The following HMGA2 variants were observed in gnomAD, a reference collection of about 807,000 sequenced individuals.
The protein encoded by HMGA2 is high mobility group AT-hook 2, also known as high mobility group protein HMGI-C.
In HMGA2, 8 loss-of-function variants were observed where a neutral mutation model predicts 19.1. That is an observed-to-expected ratio of 0.42 (90% CI 0.25 to 0.76). The LOEUF is 0.76. Among genes scored for constraint, HMGA2 ranks in the 30% least tolerant of loss-of-function variants. The pLI, the probability that HMGA2 is intolerant of heterozygous loss-of-function variation, is 0.28. For synonymous variants in HMGA2, 60 were observed against 48.8 expected (o/e 1.23, Z -0.96); for missense variants, 109 against 136.3 (o/e 0.80, Z 1.00).
intron 3 of HMGA2, among the ~76,000 whole-genome samples, chr12:65,889,694 C>G (rs1462534642): frequency 6.6e-6 from 1 of 152,168 alleles, no homozygotes; most frequent in African/African-American, 2.4e-5. Flanking sequence ...CGTATCAGGG[C>G]TGTTGCGAGG....
At chr12:65,847,400 G>A (rs1216251880) in intron 3 of HMGA2, among the ~76,000 whole-genome samples, 2 of 152,096 alleles carry the variant, frequency 1.3e-5, no homozygotes, top group Non-Finnish European at 2.9e-5. Flanking sequence ...TATAATTTAT[G>A]CTTATCAAAT....
At chr12:65,906,539 C>A (rs76591908) in intron 3 of HMGA2, among the ~76,000 whole-genome samples, 6,099 of 152,168 alleles carry the variant, frequency 0.04, 360 homozygotes, top group South Asian at 0.25. Context: ...TATGTTGTTT[C>A]ACTTCCCATA....
At chr12:65,932,189 T>C (rs1419110413) in intron 3 of HMGA2, among the ~76,000 whole-genome samples, 1 of 152,206 alleles carries the variant, frequency 6.6e-6, no homozygotes, top group Admixed American at 6.5e-5. Flanking sequence ...TCATCTAATC[T>C]TGGAATCTCA....
chr12:65,899,375 T>G (rs1157601489), intron 3 of HMGA2, among the ~76,000 whole-genome samples: 2 of 152,232 alleles, frequency 1.3e-5, no homozygotes, highest in African/African-American at 4.8e-5. Flanking sequence ...CTTCCGATCC[T>G]ACTTCTCCCT....
At chr12:65,846,540 C>A (rs943685636) in intron 3 of HMGA2, among the ~76,000 whole-genome samples, 2 of 152,196 alleles carry the variant, frequency 1.3e-5, no homozygotes, top group African/African-American at 4.8e-5. Flanking sequence ...TCAGAAAATG[C>A]ACCTCGAGTG....
intron 3 of HMGA2, among the ~76,000 whole-genome samples, chr12:65,891,895 C>T (rs1450728584): frequency 6.6e-6 from 1 of 152,266 alleles, no homozygotes; most frequent in Non-Finnish European, 1.5e-5. Context: ...GGAGGCTACC[C>T]TCCAAAGGTC....
chr12:65,937,388 G>A (rs968391196), intron 3 of HMGA2, among the ~76,000 whole-genome samples: 1 of 152,102 alleles, frequency 6.6e-6, no homozygotes, highest in African/African-American at 2.4e-5. Flanking sequence ...GGCAGCAGAC[G>A]GCCCCAAGCA....
intron 4 of HMGA2, among the ~76,000 whole-genome samples, chr12:65,959,744 A>G (rs1371729052): frequency 6.6e-6 from 1 of 152,150 alleles, no homozygotes; most frequent in Non-Finnish European, 1.5e-5. Flanking sequence ...TACAGTTTTC[A>G]TCTCCTTATT....
chr12:65,865,330 A>G (rs985490355), intron 3 of HMGA2, among the ~76,000 whole-genome samples: 1 of 152,110 alleles, frequency 6.6e-6, no homozygotes, highest in Non-Finnish European at 1.5e-5. Flanking sequence ...CAACCCCTGC[A>G]TTGTTGAAGG....
At chr12:65,871,582 G>C (rs1185798581) in intron 3 of HMGA2, among the ~76,000 whole-genome samples, 1 of 152,150 alleles carries the variant, frequency 6.6e-6, no homozygotes, top group Non-Finnish European at 1.5e-5. Context: ...AGATTCTCGA[G>C]GCTAAAGAAT....
chr12:65,871,839 T>C (rs774778398), intron 3 of HMGA2, among the ~76,000 whole-genome samples: 1 of 152,254 alleles, frequency 6.6e-6, no homozygotes, highest in Non-Finnish European at 1.5e-5. Context: ...GGCTTGGCAA[T>C]AGCAGAATAA....
At chr12:65,849,526 C>T (rs558536499) in intron 3 of HMGA2, among the ~76,000 whole-genome samples, 26 of 152,024 alleles carry the variant, frequency 1.7e-4, no homozygotes, top group African/African-American at 5.1e-4. Context: ...TAAATAAATC[C>T]CTTATTCCCC....
chr12:65,963,164 G>A, intron 4 of HMGA2, 81 bp from the exon 5 acceptor site: 2 of 1,305,374 alleles, frequency 1.5e-6, no homozygotes, highest in Non-Finnish European at 2.2e-6. Context: ...TGTGGAAACA[G>A]GTTACCTCTG....
chr12:65,936,316 C>T (rs1875893449), intron 3 of HMGA2, among the ~76,000 whole-genome samples: 1 of 151,482 alleles, frequency 6.6e-6, no homozygotes, highest in African/African-American at 2.4e-5. Flanking sequence ...GGAAATCAGT[C>T]TAGATAACAT....
intron 3 of HMGA2, among the ~76,000 whole-genome samples, chr12:65,907,676 AC>A (rs1186777353): frequency 1.3e-5 from 2 of 152,196 alleles, no homozygotes. Context: ...ACACAAGCCA[AC>A]GTTTAGGGAA....
At chr12:65,874,484 G>A (rs1194693319) in intron 3 of HMGA2, among the ~76,000 whole-genome samples, 1 of 152,140 alleles carries the variant, frequency 6.6e-6, no homozygotes, top group Non-Finnish European at 1.5e-5. Context: ...TCCAGCAGGA[G>A]GGAAACCATT....
At chr12:65,942,320 T>C (rs1477414746) in intron 3 of HMGA2, among the ~76,000 whole-genome samples, 1 of 152,190 alleles carries the variant, frequency 6.6e-6, no homozygotes, top group African/African-American at 2.4e-5. Flanking sequence ...CACATGTGCA[T>C]ATGCAAAGTG....
chr12:65,908,566 A>G (rs1874704824), intron 3 of HMGA2, among the ~76,000 whole-genome samples: 1 of 152,210 alleles, frequency 6.6e-6, no homozygotes, highest in South Asian at 2.1e-4. Flanking sequence ...GGGAAGTAGA[A>G]TTAGATGGTC....
At chr12:65,893,508 T>A (rs1874001685) in intron 3 of HMGA2, among the ~76,000 whole-genome samples, 1 of 152,214 alleles carries the variant, frequency 6.6e-6, no homozygotes, top group African/African-American at 2.4e-5. Context: ...TATTTGCAAA[T>A]GGATGCAGAA....
Sources: gnomAD v4.1 joint callset for allele counts (sites outside exome capture counted in the v4.1 genomes callset) on GRCh38, gnomAD v4.1.1 for gene constraint, MANE v1.5 for transcripts, NCBI Gene and HGNC (gene_info 2026-07-23, HGNC 2026-07-21) for gene names.